The following SLC16A7 variants were observed in gnomAD, a reference collection of about 807,000 sequenced individuals.
SLC16A7 encodes the protein solute carrier family 16 member 7.
In SLC16A7, 33 loss-of-function variants were observed where a neutral mutation model predicts 34.9. That is an observed-to-expected ratio of 0.94 (90% CI 0.72 to 1.26). The LOEUF is 1.26. Among genes scored for constraint, SLC16A7 ranks in the 50% most tolerant of loss-of-function variants. The pLI, the probability that SLC16A7 is intolerant of heterozygous loss-of-function variation, is 0.00. For synonymous variants in SLC16A7, 201 were observed against 206.6 expected (o/e 0.97, Z 0.23); for missense variants, 573 against 578.1 (o/e 0.99, Z 0.09).
In SLC16A7 at chr12:59,788,562, A is replaced by G. The variant is rs1883779440; in HGVS notation, c.*8883A>G. ...ATCATGGCTGTATTATTTCATTTTT[A>G]AAGAAAATAAAGTATAAAATAATAC... On this transcript the variant is annotated 3_prime_UTR_variant, in exon 6 of 6. Transcript: ENST00000547379. 1 of 151,858 alleles carries G rather than the reference A, an allele frequency of 6.6e-6. No homozygotes were observed. Among genetic ancestry groups the G allele is most frequent in the South Asian group, 2.1e-4 (1 of 4,830 alleles). The allele number at this position is 151,858 out of a possible 1,614,324, so 9.4% of individuals were successfully genotyped here.
chr12:59,698,564 T>C (rs1027968738), intron 2 of SLC16A7, among the ~76,000 whole-genome samples: 1 of 151,846 alleles, frequency 6.6e-6, no homozygotes, highest in Admixed American at 6.6e-5. Flanking sequence ...TGATCATGAT[T>C]GTACAGTTTC....
chr12:59,643,776 A>ACAG (rs1880787134), intron 1 of SLC16A7, among the ~76,000 whole-genome samples: 1 of 152,204 alleles, frequency 6.6e-6, no homozygotes, highest in Non-Finnish European at 1.5e-5. Flanking sequence ...CAGTCTTTTC[A>ACAG]CAGCACAGAG....
intron 2 of SLC16A7, among the ~76,000 whole-genome samples, chr12:59,657,359 C>A (rs1565633594): frequency 6.6e-6 from 1 of 151,826 alleles, no homozygotes; most frequent in Non-Finnish European, 1.5e-5. Context: ...ATTTCATTGA[C>A]TTTACTTATT....
Position 59,615,387 on chromosome 12 carries a change from T to G in SLC16A7, c.-130+19151T>G, listed in dbSNP as rs1879402591. ...AAAAAAACCACACATCGTTCACCAA[T>G]TTTTCAGTATAATTTTATTTCAGTT... On this transcript the variant is annotated intron_variant, in intron 1 of 5. Coordinates refer to ENST00000547379, the MANE Select transcript of SLC16A7 (RefSeq NM_001270623.2). Among the ~76,000 whole-genome samples the G allele has an allele frequency of 1.3e-5, 2 of 152,180 alleles. 1 individual carries two copies. The highest frequency in any genetic ancestry group is 4.1e-4 in the South Asian group (2 of 4,828).
chr12:59,683,812 T>G (rs1870933974), intron 2 of SLC16A7, among the ~76,000 whole-genome samples: 3 of 152,170 alleles, frequency 2.0e-5, no homozygotes, highest in Admixed American at 2.0e-4. Context: ...CCCACATATG[T>G]TGGACCTAAT....
chr12:59,764,144 G>A (rs1881297579), intron 3 of SLC16A7: 1 of 152,132 alleles, frequency 6.6e-6, no homozygotes, highest in Non-Finnish European at 1.5e-5. Flanking sequence ...TAGCACTAAG[G>A]TTAGCCAAGT....
In SLC16A7 at chr12:59,691,364, A is replaced by T. The variant is rs187587374; in HGVS notation, c.-30-13408A>T. Among the ~76,000 whole-genome samples the T allele has an allele frequency of 1.4e-3, 212 of 152,162 alleles. 1 individual carries two copies. The highest frequency in any genetic ancestry group is 6.8e-3 in the Middle Eastern group (2 of 294). On this transcript the variant is annotated intron_variant, in intron 2 of 5. Coordinates refer to ENST00000547379, the MANE Select transcript of SLC16A7 (RefSeq NM_001270623.2). The stretch of plus-strand genomic sequence containing the variant: ...GGTTCTTGAGTTGTTTACAAAAAAA[A>T]TTACATTAAAATAACATCAGCTATT...
chr12:59,619,492 A>G (rs1398182612), intron 1 of SLC16A7, among the ~76,000 whole-genome samples: 1 of 152,054 alleles, frequency 6.6e-6, no homozygotes, highest in Non-Finnish European at 1.5e-5. Context: ...GAGAGGGAAA[A>G]TACATGTAAT....
rs1344806381 is a variant in SLC16A7, at chr12:59,781,335, A to G, written c.*1656A>G. 6.6e-6 allele frequency: 1 copy of G among 152,544 alleles called. No individual in the cohort carries two copies. Among genetic ancestry groups the G allele is most frequent in the African/African-American group, 2.4e-5 (1 of 41,438 alleles). 9.4% of individuals were successfully genotyped at this position (152,544 alleles called of 1,614,324 possible). A position where few individuals can be genotyped will look rare whatever the true frequency, so the allele number is the denominator to read the frequency against. ...GCTTGACAAAGTAGTGTCACTCTTAAGATGTCAAAGGGAATTAGCCATTTT... is the reference window on the plus strand; with the variant it reads ...GCTTGACAAAGTAGTGTCACTCTTAGGATGTCAAAGGGAATTAGCCATTTT... On this transcript the variant is annotated 3_prime_UTR_variant, in exon 6 of 6. Coordinates refer to ENST00000547379, the MANE Select transcript of SLC16A7 (RefSeq NM_001270623.2).
chr12:59,609,615 G>T (rs184518851), intron 1 of SLC16A7, among the ~76,000 whole-genome samples: 34 of 152,172 alleles, frequency 2.2e-4, no homozygotes, highest in African/African-American at 8.2e-4. Flanking sequence ...CATATTTAGG[G>T]TGTTGGTTTC....
intron 2 of SLC16A7, among the ~76,000 whole-genome samples, chr12:59,690,518 T>G (rs1217946953): frequency 6.6e-6 from 1 of 151,924 alleles, no homozygotes; most frequent in Non-Finnish European, 1.5e-5. Context: ...TGTCCACTGA[T>G]AAAAAGAAAG....
chr12:59,725,357 A>G (rs1876109248), intron 3 of SLC16A7, among the ~76,000 whole-genome samples: 1 of 152,064 alleles, frequency 6.6e-6, no homozygotes, highest in Admixed American at 6.6e-5. Context: ...AGTTTTCTGA[A>G]TGCCATTCAG....
chr12:59,723,431 A>G (rs1023558513), intron 3 of SLC16A7, among the ~76,000 whole-genome samples: 34 of 152,110 alleles, frequency 2.2e-4, no homozygotes, highest in African/African-American at 8.2e-4. Flanking sequence ...TTTAATTAGG[A>G]ATAAAGAGAA....
At chr12:59,690,739 T>G in intron 2 of SLC16A7, among the ~76,000 whole-genome samples, 1 of 152,118 alleles carries the variant, frequency 6.6e-6, no homozygotes, top group African/African-American at 2.4e-5. Context: ...AAAGGGTGAC[T>G]TAACTTTCAG....
chr12:59,728,326 A>G (rs769252295), intron 3 of SLC16A7, among the ~76,000 whole-genome samples: 3 of 152,202 alleles, frequency 2.0e-5, no homozygotes, highest in Non-Finnish European at 4.4e-5. Flanking sequence ...CATCCAGTGC[A>G]TATTCTCTTA....
At chr12:59,757,699 T>A (rs1880549045) in intron 3 of SLC16A7, among the ~76,000 whole-genome samples, 2 of 152,080 alleles carry the variant, frequency 1.3e-5, no homozygotes, top group South Asian at 4.1e-4. Flanking sequence ...ACCTCTTCCA[T>A]CTCTGGCACC....
At chr12:59,774,199 T>A (rs1176854177) in intron 4 of SLC16A7, among the ~76,000 whole-genome samples, 1 of 152,170 alleles carries the variant, frequency 6.6e-6, no homozygotes, top group Non-Finnish European at 1.5e-5. Context: ...TACGACCTTT[T>A]TAGTCTGTTT....
chr12:59,774,930 G>T lies in SLC16A7; in HGVS notation c.635G>T (p.Gly212Val), dbSNP rs1280237254. The T allele has an allele frequency of 2.5e-6, 4 of 1,613,732 alleles. No individual in the cohort carries two copies. Among genetic ancestry groups the T allele is most frequent in the African/African-American group, 1.3e-5 (1 of 74,890 alleles). Residue 212 changes from glycine (G) to valine (V), a missense_variant, in exon 5 of 6, where the codon GGC becomes GTC. Gly to Val is a moderately radical substitution (Grantham distance 109). Coordinates refer to ENST00000547379, the MANE Select transcript of SLC16A7 (RefSeq NM_001270623.2). ...ACTTCTAAGTCTAAAAATAAGACTG[G>T]CAAAACAGAAGATGATTCAAGCCCA... ...QTTSKSKNKT[G>V]KTEDDSSPKK...
chr12:59,776,141 T>TA (rs1882736641), intron 5 of SLC16A7, among the ~76,000 whole-genome samples: 2 of 152,186 alleles, frequency 1.3e-5, no homozygotes, highest in African/African-American at 4.8e-5. Context: ...AATTATTCAG[T>TA]AAAAAGATGC....
Sources: gnomAD v4.1 joint callset for allele counts (sites outside exome capture counted in the v4.1 genomes callset) on GRCh38, gnomAD v4.1.1 for gene constraint, MANE v1.5 for transcripts, NCBI Gene and HGNC (gene_info 2026-07-23, HGNC 2026-07-21) for gene names.